INPP5E: variants seen among roughly 807,000 people sequenced by gnomAD.
INPP5E encodes phosphatidylinositol polyphosphate 5-phosphatase type IV.
In INPP5E, 34 loss-of-function variants were observed where a neutral mutation model predicts 50.5. The observed-to-expected ratio is 0.67, with a 90% CI of 0.51 to 0.90. The LOEUF is 0.90. Ranked by LOEUF, INPP5E falls within the 40% of genes least tolerant of loss-of-function variation. The probability of loss-of-function intolerance (pLI) is 0.00; values close to 1 mark genes in which losing one functional copy is unlikely to be tolerated. For missense variants in INPP5E, 942 were observed against 905.5 expected, an observed-to-expected ratio of 1.04 and a Z score of -0.52; for synonymous variants, 447 against 406.0, an observed-to-expected ratio of 1.10 and a Z score of -1.21.
chr9:136,439,518 A>C lies in INPP5E; in HGVS notation c.-99T>G. On this transcript the variant is annotated 5_prime_UTR_variant, in exon 1 of 10. Coordinates refer to ENST00000371712, the MANE Select transcript of INPP5E (RefSeq NM_019892.6). ...GGTCGCCGGCGCAGCGAGGAGCAGA[A>C]ACGCCGCTGCGGCTCCCGCTTGGGC... 61 of 847,208 alleles carry C rather than the reference A, an allele frequency of 7.2e-5. No homozygotes were observed. Among genetic ancestry groups the C allele is most frequent in the Non-Finnish European group, 6.8e-5 (42 of 619,998 alleles). The allele number at this position is 847,208 out of a possible 1,614,324, so 52.5% of individuals were successfully genotyped here.
At position 136,430,986 on chromosome 9, in the gene INPP5E, G is replaced by T; in HGVS notation, c.1665+16C>A. 6.5e-7 allele frequency: 1 copy of T among 1,546,176 alleles called. No individual in the cohort carries two copies. The highest frequency in any genetic ancestry group is 8.9e-7 in the Non-Finnish European group (1 of 1,118,656). ...CCCTGGAAGCACTCTGCACCGCAGC[G>T]GTGGGCAGGCCTCACCGTGTATGAG... On this transcript the variant is annotated intron_variant, in intron 8 of 9. Transcript: ENST00000371712.
intron 8 of INPP5E, 119 bp from the exon 9 acceptor site, chr9:136,430,532 G>C: frequency 8.3e-7 from 1 of 1,201,464 alleles, no homozygotes; most frequent in Non-Finnish European, 1.2e-6. Flanking sequence ...TGGGACCCCT[G>C]ACACTCATGC....
chr9:136,433,610 A>G (rs1004480507), intron 3 of INPP5E, among the ~76,000 whole-genome samples: 1 of 151,892 alleles, frequency 6.6e-6, no homozygotes, highest in Non-Finnish European at 1.5e-5. Context: ...GGCGGCAGCC[A>G]CCTGCTGTTC....
Position 136,439,345 on chromosome 9 carries a change from T to A in INPP5E, c.75A>T (p.Gly25=). Residue 25 remains glycine (G), a synonymous_variant, in exon 1 of 10, where the codon GGA becomes GGT. Coordinates refer to ENST00000371712, the MANE Select transcript of INPP5E (RefSeq NM_019892.6). ...GGGCCGGCGGAGCGCCGGGAAGCTG[T>A]CCTTGGAGCGTCCTCCCTTCCGGCG... ...PQPPEGRTLQ[G]QLPGAPPAQR... is the part of the protein sequence containing the mutation. 11 of 1,438,548 alleles carry A rather than the reference T, an allele frequency of 7.6e-6. No homozygotes were observed. The highest frequency in any genetic ancestry group is 9.1e-6 in the Non-Finnish European group (10 of 1,104,622). 89.1% of individuals were successfully genotyped at this position (1,438,548 alleles called of 1,614,324 possible). A position where few individuals can be genotyped will look rare whatever the true frequency, so the allele number is the denominator to read the frequency against.
intron 1 of INPP5E, 31 bp from the exon 2 acceptor site, chr9:136,434,894 A>G (rs1007309317): frequency 6.3e-7 from 1 of 1,591,658 alleles, no homozygotes; most frequent in African/African-American, 1.3e-5. Flanking sequence ...GCTCAGGGCC[A>G]GGCACAGGAC....
chr9:136,434,755 G>A lies in INPP5E; in HGVS notation c.921C>T (p.Asn307=), dbSNP rs1419658971. 2.5e-6 allele frequency: 4 copies of A among 1,606,916 alleles called. No homozygotes were observed. The highest frequency in any genetic ancestry group is 3.4e-4 in the Middle Eastern group (2 of 5,862). ...RNVALFVATW[N]MQGQKELPPS... The stretch of plus-strand genomic sequence containing the variant: ...AGCCACTCACCTTCTGGCCCTGCAT[G>A]TTCCAGGTGGCCACGAAGAGTGCCA... The change falls in exon 2 of 10, where the codon AAC becomes AAT. Residue 307 remains asparagine (N), a synonymous_variant. Coordinates refer to ENST00000371712, the MANE Select transcript of INPP5E (RefSeq NM_019892.6).
At chr9:136,433,369 A>G (rs1200776390) in intron 3 of INPP5E, 90 bp from the exon 4 acceptor site, 6 of 1,476,004 alleles carry the variant, frequency 4.1e-6, no homozygotes, top group Middle Eastern at 2.3e-4. Flanking sequence ...TCGAGGAGCT[A>G]CCAGGGAAAC....
Position 136,430,177 on chromosome 9 carries a change from G to C in INPP5E, c.1802+100C>G, listed in dbSNP as rs537976914. On this transcript the variant is annotated intron_variant, in intron 9 of 9. Coordinates refer to ENST00000371712, the MANE Select transcript of INPP5E (RefSeq NM_019892.6). ...ACAGCCCTGAAGGTCCCAGAACAAAGCCCCAAGTGGAACCCCACGATGACA... is the reference window on the plus strand; with the variant it reads ...ACAGCCCTGAAGGTCCCAGAACAAACCCCCAAGTGGAACCCCACGATGACA... The C allele has an allele frequency of 4.4e-5, 64 of 1,451,608 alleles. No individual in the cohort carries two copies. The East Asian group carries it at 8.2e-4, about 19-fold the overall frequency. 89.9% of individuals were successfully genotyped at this position (1,451,608 alleles called of 1,614,324 possible).
intron 5 of INPP5E, among the ~76,000 whole-genome samples, 166 bp from the exon 6 acceptor site, chr9:136,432,752 G>A (rs535018796): frequency 1.3e-4 from 20 of 152,356 alleles, no homozygotes; most frequent in African/African-American, 3.8e-4. Flanking sequence ...TCGGAGGACA[G>A]AGCACGGGCC....
rs1189055232 is a variant in INPP5E, at chr9:136,429,358, A to AG, written c.*316dup. 2.2e-6 allele frequency: 1 copy of AG among 460,742 alleles called. No individual in the cohort carries two copies. The highest frequency in any genetic ancestry group is 4.0e-6 in the Non-Finnish European group (1 of 248,742). 28.5% of individuals were successfully genotyped at this position (460,742 alleles called of 1,614,324 possible). On this transcript the variant is annotated 3_prime_UTR_variant, in exon 10 of 10. Coordinates refer to ENST00000371712, the MANE Select transcript of INPP5E (RefSeq NM_019892.6). ...TGCCCCCAGGGCACAGGAGCTGCTCAGGAACGGATTCTGACGTCTGCCCCC... is the reference window on the plus strand; with the variant it reads ...TGCCCCCAGGGCACAGGAGCTGCTCAGGGAACGGATTCTGACGTCTGCCCCC...
intron 1 of INPP5E, chr9:136,437,653 T>C (rs995160475): frequency 2.6e-5 from 4 of 152,344 alleles, no homozygotes; most frequent in Admixed American, 1.3e-4. Flanking sequence ...TCTGTGGTCA[T>C]GAGTTACAAC....
chr9:136,436,084 G>C (rs1835823100), intron 1 of INPP5E: 1 of 152,228 alleles, frequency 6.6e-6, no homozygotes, highest in South Asian at 2.1e-4. Context: ...GGATTCCTGT[G>C]ACCTCCCGCG....
At chr9:136,435,979 C>T (rs890435918) in intron 1 of INPP5E, 2 of 152,260 alleles carry the variant, frequency 1.3e-5, no homozygotes, top group African/African-American at 2.4e-5. Context: ...CCGTCCTCCC[C>T]GCTCCCTCTC....
rs1384336987 is a variant in INPP5E, at chr9:136,438,890, G to A, written c.530C>T (p.Ala177Val). Residue 177 changes from alanine to valine, a missense_variant, in exon 1 of 10, where the codon GCC (alanine) becomes GTC (valine). Physicochemically the swap from Ala to Val is moderately conservative, Grantham distance 64. Transcript: ENST00000371712. Reference sequence around the variant, plus strand: ...CAGCCTGGGCGAGCTCCCCGCCACGGCGGCGTCTCTGTGCGGGAGGTTCGG... The same window carrying A: ...CAGCCTGGGCGAGCTCCCCGCCACGACGGCGTCTCTGTGCGGGAGGTTCGG... Reference protein sequence around the residue: ...SSPNLPHRDAAVAGSSPRLPS... With the variant: ...SSPNLPHRDAVVAGSSPRLPS... 1.9e-6 allele frequency: 3 copies of A among 1,586,100 alleles called. No individual in the cohort carries two copies. In the Admixed American group the frequency reaches 5.4e-5, roughly 29 times the overall value.
At position 136,434,208 on chromosome 9, in the gene INPP5E, G is replaced by A. The variant is rs181518921; in HGVS notation, c.937-74C>T. The A allele has an allele frequency of 1.1e-4, 109 of 999,614 alleles. 3 individuals carry two copies. The Admixed American group carries it at 2.0e-3, about 19-fold the overall frequency. The allele number at this position is 999,614 out of a possible 1,614,324, so 61.9% of individuals were successfully genotyped here. On this transcript the variant is annotated intron_variant, in intron 2 of 9. Coordinates refer to ENST00000371712, the MANE Select transcript of INPP5E (RefSeq NM_019892.6). ...GCGCCTGTGGGTGAATCCCACTGCGGTGCCTTGAGTACCAGCGACTCCTCC... is the reference window on the plus strand; with the variant it reads ...GCGCCTGTGGGTGAATCCCACTGCGATGCCTTGAGTACCAGCGACTCCTCC...
At position 136,439,448 on chromosome 9, in the gene INPP5E, C is replaced by A; in HGVS notation, c.-29G>T. ...CGGTCTCTCCCGGGGCAGGCCTCGG[C>A]GCGAGGCCGCAGGCAGCGCGAGGGG... is the stretch of plus-strand genomic sequence containing the variant. On this transcript the variant is annotated 5_prime_UTR_variant, in exon 1 of 10. Transcript: ENST00000371712. 1 of 1,420,094 alleles carries A rather than the reference C, an allele frequency of 7.0e-7. No homozygotes were observed. Among genetic ancestry groups the A allele is most frequent in the Non-Finnish European group, 9.2e-7 (1 of 1,087,112 alleles). The allele number at this position is 1,420,094 out of a possible 1,614,324, so 88.0% of individuals were successfully genotyped here.
Position 136,434,751 on chromosome 9 carries a change from G to A in INPP5E, c.925C>T (p.Gln309Ter), listed in dbSNP as rs568204894. The A allele has an allele frequency of 3.1e-6, 5 of 1,610,316 alleles. No homozygotes were observed. Among genetic ancestry groups the A allele is most frequent in the South Asian group, 1.1e-5 (1 of 90,690 alleles). The part of the protein sequence containing the change: ...VALFVATWNM[Q>*]GQKELPPSLD... ...CCACAGCCACTCACCTTCTGGCCCT[G>A]CATGTTCCAGGTGGCCACGAAGAGT... is the stretch of plus-strand genomic sequence containing the variant. The change falls in exon 2 of 10, where the codon CAG (glutamine) becomes TAG (stop). Residue 309 changes from glutamine to a stop codon, truncating the protein, a stop_gained. Coordinates refer to ENST00000371712, the MANE Select transcript of INPP5E (RefSeq NM_019892.6). LOFTEE classifies it high-confidence loss of function.
At chr9:136,430,593 G>A (rs1835677470) in intron 8 of INPP5E, among the ~76,000 whole-genome samples, 180 bp from the exon 9 acceptor site, 2 of 152,212 alleles carry the variant, frequency 1.3e-5, no homozygotes, top group South Asian at 2.1e-4. Flanking sequence ...CCTGTCCCTC[G>A]CCGCTGGAGA....
Position 136,429,654 on chromosome 9 carries a change from T to C in INPP5E, c.*21A>G, listed in dbSNP as rs1006148743. On this transcript the variant is annotated 3_prime_UTR_variant, in exon 10 of 10. Coordinates refer to ENST00000371712, the MANE Select transcript of INPP5E (RefSeq NM_019892.6). ...ATACAATCACCCCACGTTGCAGCTG[T>C]GAGTCCTCGTTCAGCAAACTTCAAG... is the stretch of plus-strand genomic sequence containing the variant. 3 of 1,613,500 alleles carry C rather than the reference T, an allele frequency of 1.9e-6. No homozygotes were observed. Among genetic ancestry groups the C allele is most frequent in the Middle Eastern group, 1.7e-4 (1 of 6,042 alleles).
Sources: gnomAD v4.1 joint callset for allele counts (sites outside exome capture counted in the v4.1 genomes callset) on GRCh38, gnomAD v4.1.1 for gene constraint, MANE v1.5 for transcripts, NCBI Gene and HGNC (gene_info 2026-07-23, HGNC 2026-07-21) for gene names.